FBXL2: variants seen among roughly 807,000 people sequenced by gnomAD.
FBXL2 encodes the protein F-box and leucine rich repeat protein 2.
A neutral mutation model predicts 69.2 loss-of-function variants in FBXL2; 38 were observed. The observed-to-expected ratio is 0.55, with a 90% confidence interval of 0.42 to 0.72. The LOEUF (loss-of-function observed/expected upper bound fraction) is 0.72, where lower values mean the gene tolerates loss of function less well. Among genes scored for constraint, FBXL2 ranks in the 30% least tolerant of loss-of-function variants. FBXL2 has a pLI of 0.00. For missense variants in FBXL2, 354 were observed against 520.3 expected, an observed-to-expected ratio of 0.68 and a Z score of 3.11; for synonymous variants, 192 against 201.3, an observed-to-expected ratio of 0.95 and a Z score of 0.39.
At position 33,383,982 on chromosome 3, in the gene FBXL2, G is replaced by T. The variant is rs749391172; in HGVS notation, c.952-7G>T. 1 of 1,613,748 alleles carries T rather than the reference G, an allele frequency of 6.2e-7. No homozygotes were observed. Among genetic ancestry groups the T allele is most frequent in the Non-Finnish European group, 8.5e-7 (1 of 1,179,692 alleles). ...TGCAAACATTTACTCATGTCTTCCTGTTCCAGAGCCTGTCCCACTGTGAAC... is the reference window on the plus strand; with the variant it reads ...TGCAAACATTTACTCATGTCTTCCTTTTCCAGAGCCTGTCCCACTGTGAAC... On this transcript the variant is annotated splice_polypyrimidine_tract_variant and splice_region_variant and intron_variant, in intron 13 of 14. Transcript: ENST00000484457.
intron 2 of FBXL2, among the ~76,000 whole-genome samples, chr3:33,357,530 T>TA (rs2041288607): frequency 1.7e-5 from 1 of 57,696 alleles, no homozygotes; most frequent in Non-Finnish European, 3.3e-5. Context: ...ATCCACTGAG[T>TA]CTTTTTTTTT....
At chr3:33,338,351 G>T (rs2039748612) in intron 2 of FBXL2, among the ~76,000 whole-genome samples, 1 of 152,094 alleles carries the variant, frequency 6.6e-6, no homozygotes, top group Admixed American at 6.5e-5. Flanking sequence ...GGTGAAGGTT[G>T]CAGTGAGCCA....
chr3:33,329,144 C>G (rs2038956372), intron 2 of FBXL2, among the ~76,000 whole-genome samples: 1 of 152,008 alleles, frequency 6.6e-6, no homozygotes, highest in Non-Finnish European at 1.5e-5. Flanking sequence ...ATATAAATGG[C>G]CAACAGGTAT....
chr3:33,402,946 AAT>A, intron 12 of FBXL2: 2 of 1,492,664 alleles, frequency 1.3e-6, no homozygotes, highest in South Asian at 2.4e-5. Context: ...ATGCTTTTAA[AAT>A]ATGTGGAAGA....
rs776215650 is a variant in FBXL2, at chr3:33,396,186, C to T, written n.1215-7048C>T. 4.4e-6 allele frequency: 7 copies of T among 1,592,652 alleles called. No individual in the cohort carries two copies. In the Admixed American group the frequency reaches 5.0e-5, roughly 11 times the overall value. On this transcript the variant is annotated intron_variant and non_coding_transcript_variant, in intron 12 of 12. Coordinates refer to the FBXL2 transcript ENST00000463736. Reference sequence around the variant, plus strand: ...CCATAGGGTGCCCCACTGCCATTCTCGCTTGCACTGCTTGCAGCTTGCTGC... The same window carrying T: ...CCATAGGGTGCCCCACTGCCATTCTTGCTTGCACTGCTTGCAGCTTGCTGC...
chr3:33,321,361 A>G (rs1009539648), intron 2 of FBXL2, among the ~76,000 whole-genome samples: 1 of 152,066 alleles, frequency 6.6e-6, no homozygotes, highest in African/African-American at 2.4e-5. Flanking sequence ...AAAATGTGCA[A>G]AAAGCATTAA....
intron 4 of FBXL2, among the ~76,000 whole-genome samples, chr3:33,360,515 G>T (rs980615108): frequency 6.6e-6 from 1 of 152,160 alleles, no homozygotes. Context: ...GCTCTTGGAA[G>T]GGGGCAGGGA....
chr3:33,290,059 C>A (rs910619729), intron 1 of FBXL2, among the ~76,000 whole-genome samples: 4 of 152,170 alleles, frequency 2.6e-5, no homozygotes, highest in African/African-American at 9.7e-5. Flanking sequence ...CCAAGGACAA[C>A]ACCCTAGCTG....
chr3:33,373,173 G>A lies in FBXL2; in HGVS notation c.359+13G>A. On this transcript the variant is annotated intron_variant, in intron 6 of 14. Transcript: ENST00000484457. ...AAATCACTGACAGGTAAGTAATGAA[G>A]ATTAATTGGTGACCAAATAGCCACG... The A allele has an allele frequency of 6.2e-7, 1 of 1,613,606 alleles. No individual in the cohort carries two copies. The highest frequency in any genetic ancestry group is 1.1e-5 in the South Asian group (1 of 91,070).
intron 13 of FBXL2, 66 bp downstream of exon 13, chr3:33,378,807 G>C (rs1473025783): frequency 6.2e-7 from 1 of 1,613,164 alleles, no homozygotes; most frequent in East Asian, 2.2e-5. Flanking sequence ...ACCACAACAA[G>C]AAGCTGTTTG....
Position 33,385,625 on chromosome 3 carries a change from C to T in FBXL2, c.*17C>T. On this transcript the variant is annotated 3_prime_UTR_variant, in exon 15 of 15. Coordinates refer to ENST00000484457, the MANE Select transcript of FBXL2 (RefSeq NM_012157.5). ...ATTCTCTGACAGCAGCTGCCTGGGC[C>T]CAAGGGGTGATGAGGCATCCTTTCC... is the stretch of plus-strand genomic sequence containing the variant. The T allele has an allele frequency of 2.5e-6, 4 of 1,603,538 alleles. No homozygotes were observed. The South Asian group carries it at 4.4e-5, about 18-fold the overall frequency.
At chr3:33,309,018 CTG>C (rs1456926939) in intron 2 of FBXL2, among the ~76,000 whole-genome samples, 2 of 152,284 alleles carry the variant, frequency 1.3e-5, no homozygotes, top group East Asian at 3.9e-4. Context: ...GGAGAATGTT[CTG>C]TGTGTGCTTG....
At chr3:33,336,774 G>A (rs757989593) in intron 2 of FBXL2, among the ~76,000 whole-genome samples, 3 of 152,120 alleles carry the variant, frequency 2.0e-5, no homozygotes, top group East Asian at 1.9e-4. Context: ...GTGTGGTGGC[G>A]TGCACTTGTA....
chr3:33,318,586 G>A lies in FBXL2; in HGVS notation c.65+20861G>A, dbSNP rs569690046. On this transcript the variant is annotated intron_variant, in intron 2 of 14. Transcript: ENST00000484457. ...GCTTCAGATGCATGTTTCCTGTGCT[G>A]TTACCCACTAGATGGACACACTAGA... 3.9e-5 allele frequency among the ~76,000 whole-genome samples: 6 copies of A among 152,084 alleles called. No homozygotes were observed. In the South Asian group the frequency reaches 1.2e-3, roughly 32 times the overall value.
chr3:33,333,418 A>G (rs2039324737), intron 2 of FBXL2, among the ~76,000 whole-genome samples: 1 of 152,228 alleles, frequency 6.6e-6, no homozygotes, highest in Admixed American at 6.5e-5. Flanking sequence ...AAATATTAAC[A>G]TAAAATAGAA....
chr3:33,384,098 T>A lies in FBXL2; in HGVS notation c.1061T>A (p.Ile354Asn). The part of the protein sequence containing the change: ...RVLELDNCLL[I>N]TDVALEHLEN... ...CTGGAGTTGGACAACTGCCTCCTCA[T>A]CACTGATGTGGCCCTGGAACACCTA... is the stretch of plus-strand genomic sequence containing the variant. Residue 354 changes from isoleucine (I) to asparagine (N), a missense_variant, in exon 14 of 15, where the codon ATC becomes AAC. Physicochemically the swap from Ile to Asn is moderately radical, Grantham distance 149 (BLOSUM62 -3). Transcript: ENST00000484457. 1.2e-6 allele frequency: 2 copies of A among 1,614,114 alleles called. No homozygotes were observed. Among genetic ancestry groups the A allele is most frequent in the Non-Finnish European group, 1.7e-6 (2 of 1,180,016 alleles).
At chr3:33,413,557 A>C in the FBXL2 span, among the ~76,000 whole-genome samples, 6 of 151,850 alleles carry the variant, frequency 4.0e-5, no homozygotes, top group Admixed American at 2.0e-4. Flanking sequence ...AAAAAAAAAA[A>C]AAAAAAAACT....
Position 33,394,814 on chromosome 3 carries a change from C to CTT in FBXL2, n.1215-8419_1215-8418dup, listed in dbSNP as rs1298956605. ...CATATGGGCCAATTCCTGCCCTCCACTTGTTTTTTTTTTTTTTTTTTTTAA... is the reference window on the plus strand; with the variant it reads ...CATATGGGCCAATTCCTGCCCTCCACTTTTGTTTTTTTTTTTTTTTTTTTTAA... On this transcript the variant is annotated intron_variant and non_coding_transcript_variant, in intron 12 of 12. Transcript: ENST00000463736. Among the ~76,000 whole-genome samples, 14 of 122,102 alleles carry CTT rather than the reference C, an allele frequency of 1.1e-4. 1 individual carries two copies. Among genetic ancestry groups the CTT allele is most frequent in the Admixed American group, 1.8e-4 (2 of 11,052 alleles). The allele number at this position is 122,102 out of a possible 152,430, so 80.1% of individuals were successfully genotyped here.
chr3:33,401,632 C>T (rs1020096301), intron 12 of FBXL2, among the ~76,000 whole-genome samples: 2 of 152,190 alleles, frequency 1.3e-5, no homozygotes, highest in Non-Finnish European at 1.5e-5. Flanking sequence ...GCCCCCGTGC[C>T]TCAATTGCTT....
Sources: allele counts gnomAD v4.1 joint callset (sites outside exome capture counted in the v4.1 genomes callset), GRCh38; gene constraint gnomAD v4.1.1; transcripts MANE v1.5; gene names NCBI Gene and HGNC (gene_info 2026-07-23, HGNC 2026-07-21).